The following FANK1 variants were observed in gnomAD, a reference collection of about 807,000 sequenced individuals.
FANK1 encodes the protein fibronectin type III and ankyrin repeat domains 1.
A neutral mutation model predicts 45.3 loss-of-function variants in FANK1; 44 were observed. The observed-to-expected ratio is 0.97, with a 90% confidence interval of 0.76 to 1.25. FANK1 has a LOEUF of 1.25. Ranked by LOEUF, FANK1 falls within the 50% of genes most tolerant of loss-of-function variation. FANK1 has a pLI of 0.00. For missense variants in FANK1, 391 were observed against 424.4 expected, an observed-to-expected ratio of 0.92 and a Z score of 0.69; for synonymous variants, 149 against 152.5, an observed-to-expected ratio of 0.98 and a Z score of 0.17.
At chr10:125,976,636 T>C (rs1005966091) in intron 1 of FANK1, among the ~76,000 whole-genome samples, 2 of 152,002 alleles carry the variant, frequency 1.3e-5, no homozygotes, top group Non-Finnish European at 2.9e-5. Context: ...TTTTTTTTTT[T>C]CCCTGAGACG....
chr10:125,977,060 G>C (rs2134197834), intron 1 of FANK1, among the ~76,000 whole-genome samples: 1 of 152,122 alleles, frequency 6.6e-6, no homozygotes, highest in Non-Finnish European at 1.5e-5. Context: ...ACATCCTCCT[G>C]AATCTCAGTG....
In FANK1 at chr10:125,996,742, T is replaced by A; in HGVS notation, c.473+118T>A. 5 of 916,348 alleles carry A rather than the reference T, an allele frequency of 5.5e-6. No individual in the cohort carries two copies. The Admixed American group carries it at 1.2e-4, about 22-fold the overall frequency. The allele number at this position is 916,348 out of a possible 1,614,324, so 56.8% of individuals were successfully genotyped here. On this transcript the variant is annotated intron_variant, in intron 5 of 10. Coordinates refer to ENST00000368693, the MANE Select transcript of FANK1 (RefSeq NM_145235.5). ...GGCCATGGAGGAACCGTTTCTTTTC[T>A]ATCTCCCAAACCGTACCATATGATG...
chr10:125,944,803 A>C (rs1948668265), intron 1 of FANK1, among the ~76,000 whole-genome samples: 1 of 152,230 alleles, frequency 6.6e-6, no homozygotes, highest in Non-Finnish European at 1.5e-5. Context: ...ACTTTCAGTT[A>C]ATTTAACATC....
chr10:125,953,356 A>G (rs1949375269), intron 1 of FANK1, among the ~76,000 whole-genome samples: 1 of 152,148 alleles, frequency 6.6e-6, no homozygotes, highest in South Asian at 2.1e-4. Flanking sequence ...ATGACTGTCT[A>G]GGGATTTCCA....
At chr10:125,921,785 C>G (rs1380917253) in intron 1 of FANK1, among the ~76,000 whole-genome samples, 2 of 152,182 alleles carry the variant, frequency 1.3e-5, no homozygotes, top group East Asian at 3.9e-4. Flanking sequence ...CTTCTAGTGT[C>G]TACAGGATTT....
chr10:125,970,277 C>G (rs947676120), intron 1 of FANK1, among the ~76,000 whole-genome samples: 3 of 150,994 alleles, frequency 2.0e-5, no homozygotes, highest in African/African-American at 4.9e-5. Flanking sequence ...GGGGCGGCTG[C>G]TGGGCGGGGG....
At chr10:125,906,225 A>G (rs901191673) in intron 1 of FANK1, among the ~76,000 whole-genome samples, 5 of 152,150 alleles carry the variant, frequency 3.3e-5, no homozygotes, top group Non-Finnish European at 7.3e-5. Context: ...TTACAAAAAA[A>G]GAAGGAGCAG....
intron 1 of FANK1, among the ~76,000 whole-genome samples, chr10:125,914,619 T>C (rs912316063): frequency 1.3e-5 from 2 of 152,204 alleles, no homozygotes; most frequent in Non-Finnish European, 2.9e-5. Context: ...AATAAAATTT[T>C]TGTTAGATGA....
intron 1 of FANK1, among the ~76,000 whole-genome samples, chr10:125,978,424 G>T (rs1325793389): frequency 6.6e-6 from 1 of 152,132 alleles, no homozygotes; most frequent in African/African-American, 2.4e-5. Context: ...AACAGCTAAG[G>T]CACCTGAACA....
chr10:125,963,254 G>T (rs1950030054), intron 1 of FANK1, among the ~76,000 whole-genome samples: 1 of 152,208 alleles, frequency 6.6e-6, no homozygotes, highest in Non-Finnish European at 1.5e-5. Flanking sequence ...GAAGTGTTGG[G>T]ATTACAGGTG....
At position 125,988,626 on chromosome 10, in the gene FANK1, C is replaced by G. The variant is rs146424037; in HGVS notation, c.267C>G (p.Ser89Arg). 5.8e-4 allele frequency: 938 copies of G among 1,614,188 alleles called. 3 individuals are homozygous for G. In the African/African-American group the frequency reaches 0.012, roughly 20 times the overall value. The change falls in exon 3 of 11, where the codon AGC (serine) becomes AGG (arginine). Residue 89 changes from serine (S) to arginine (R), a missense_variant. Transcript: ENST00000368693. ...TLYRFRLKVT[S>R]PSGECEYSPL... ...ACAGATTTCGCCTGAAGGTCACCAG[C>G]CCCTCTGGGGAGTGTGAGTACAGCC...
chr10:125,937,161 A>G (rs1357782472), intron 1 of FANK1, among the ~76,000 whole-genome samples: 1 of 152,202 alleles, frequency 6.6e-6, no homozygotes, highest in Non-Finnish European at 1.5e-5. Context: ...GTATCGCTAA[A>G]AGTGGAAATG....
intron 1 of FANK1, among the ~76,000 whole-genome samples, chr10:125,934,724 G>GGTTTTTTTTTTTTTTTTTTTTTTTTTTT (rs1564888158): frequency 7.6e-5 from 2 of 26,418 alleles, no homozygotes; most frequent in Admixed American, 6.5e-4. Flanking sequence ...TACCCCTACC[G>GGTTTTTTTTTTTTTTTTTTTTTTTTTTT]TTTTTTTTTT....
At chr10:125,954,660 C>A (rs1949464142) in intron 1 of FANK1, among the ~76,000 whole-genome samples, 1 of 152,076 alleles carries the variant, frequency 6.6e-6, no homozygotes, top group Non-Finnish European at 1.5e-5. Flanking sequence ...TGGCTCACGC[C>A]TGTAATCCCG....
At position 126,009,533 on chromosome 10, in the gene FANK1, CATTT is replaced by C. The variant is rs1220719739; in HGVS notation, c.*105_*108del. 5.3e-6 allele frequency: 7 copies of C among 1,317,220 alleles called. No homozygotes were observed. The highest frequency in any genetic ancestry group is 1.5e-5 in the African/African-American group (1 of 67,380). 81.6% of individuals were successfully genotyped at this position (1,317,220 alleles called of 1,614,324 possible). On this transcript the variant is annotated 3_prime_UTR_variant, in exon 11 of 11. Transcript: ENST00000368693. ...AAATTCTGCATCTTGGGGGGCTGTA[CATTT>C]ATTTATTTAGTTGAAGATTCACTGA...
At chr10:125,919,433 C>T (rs1164523068) in intron 1 of FANK1, among the ~76,000 whole-genome samples, 3 of 151,874 alleles carry the variant, frequency 2.0e-5, no homozygotes, top group Non-Finnish European at 2.9e-5. Flanking sequence ...CTTGAACTCT[C>T]GACCTCAGGT....
intron 3 of FANK1, among the ~76,000 whole-genome samples, chr10:125,995,164 A>G (rs1564959215): frequency 6.6e-6 from 1 of 152,172 alleles, no homozygotes; most frequent in African/African-American, 2.4e-5. Flanking sequence ...TATCAAAGTA[A>G]CATTCACAAA....
chr10:125,904,295 TAAG>T (rs1045148288), intron 1 of FANK1, among the ~76,000 whole-genome samples: 3 of 152,092 alleles, frequency 2.0e-5, no homozygotes, highest in Non-Finnish European at 4.4e-5. Context: ...AAACCAAACA[TAAG>T]AAGTATGTAT....
chr10:125,977,505 TGTGTTCCTCTCCCACTTGA>T (rs1211520920), intron 1 of FANK1, among the ~76,000 whole-genome samples: 2 of 152,176 alleles, frequency 1.3e-5, no homozygotes, highest in Non-Finnish European at 2.9e-5. Flanking sequence ...TCTGAAACTG[TGTGTTCCTCTCCCACTTGA>T]GTGCTGGCTC....
Sources: allele counts gnomAD v4.1 joint callset (sites outside exome capture counted in the v4.1 genomes callset), GRCh38; gene constraint gnomAD v4.1.1; transcripts MANE v1.5; gene names NCBI Gene and HGNC (gene_info 2026-07-23, HGNC 2026-07-21).